Variants in SIPA1L3 observed in about 807,000 individuals in gnomAD.
SIPA1L3 encodes signal induced proliferation associated 1 like 3.
In SIPA1L3, 59 loss-of-function variants were observed where a neutral mutation model predicts 150.1. The ratio of observed to expected loss-of-function variants is 0.39; its 90% confidence interval spans 0.32 to 0.49. SIPA1L3 has a LOEUF of 0.49. SIPA1L3 is among the 20% of genes least tolerant of loss of function. The pLI, the probability that SIPA1L3 is intolerant of heterozygous loss-of-function variation, is 0.86. For missense variants in SIPA1L3, 2,211 were observed against 2,489.5 expected, an observed-to-expected ratio of 0.89 and a Z score of 2.38; for synonymous variants, 1,070 against 1,077.6, an observed-to-expected ratio of 0.99 and a Z score of 0.14.
intron 1 of SIPA1L3, among the ~76,000 whole-genome samples, chr19:38,023,720 A>C (rs1328014728): frequency 2.0e-5 from 3 of 152,192 alleles, no homozygotes; most frequent in African/African-American, 7.2e-5. Context: ...GTTCTTCCAG[A>C]CCAGCCACTT....
intron 10 of SIPA1L3, among the ~76,000 whole-genome samples, chr19:38,131,161 A>G (rs941816100): frequency 1.3e-5 from 2 of 152,248 alleles, no homozygotes; most frequent in African/African-American, 4.8e-5. Context: ...CAAAGTGACC[A>G]CAACAAAGTG....
chr19:38,168,280 G>A (rs768284167), intron 15 of SIPA1L3, among the ~76,000 whole-genome samples: 2 of 151,940 alleles, frequency 1.3e-5, no homozygotes, highest in East Asian at 1.9e-4. Context: ...CCAGCTACTC[G>A]GGAGGCTGAG....
Position 38,082,427 on chromosome 19 carries a change from G to A in SIPA1L3, c.862G>A (p.Ala288Thr), listed in dbSNP as rs759954792. The A allele has an allele frequency of 1.3e-6, 2 of 1,593,896 alleles. No individual in the cohort carries two copies. The highest frequency in any genetic ancestry group is 1.3e-5 in the African/African-American group (1 of 74,680). Residue 288 changes from alanine to threonine, a missense_variant, in exon 3 of 22, where the codon GCG becomes ACG. This residue lies in a region of SIPA1L3 where 587 missense variants were observed against 534.5 expected (regional missense o/e 1.10). Coordinates refer to ENST00000222345, the MANE Select transcript of SIPA1L3 (RefSeq NM_015073.3). The part of the protein sequence containing the change: ...KEKEKARKKP[A>T]RGLGGGDTVD... ...GAAGGAGAAGGCCCGGAAGAAACCT[G>A]CGCGGGGCCTCGGCGGCGGGGACAC... is the stretch of plus-strand genomic sequence containing the variant.
intron 2 of SIPA1L3, among the ~76,000 whole-genome samples, chr19:38,050,197 T>C (rs1337316171): frequency 6.6e-6 from 1 of 152,246 alleles, no homozygotes; most frequent in African/African-American, 2.4e-5. Context: ...GGCTCACGCC[T>C]GTAATCCCAA....
chr19:38,175,061 T>C (rs1797272665), intron 15 of SIPA1L3, among the ~76,000 whole-genome samples: 1 of 152,158 alleles, frequency 6.6e-6, no homozygotes, highest in African/African-American at 2.4e-5. Flanking sequence ...TACCTATGTC[T>C]ACATCCTGGC....
chr19:38,086,996 C>G (rs1283874604), intron 3 of SIPA1L3, among the ~76,000 whole-genome samples: 1 of 152,154 alleles, frequency 6.6e-6, no homozygotes, highest in Non-Finnish European at 1.5e-5. Flanking sequence ...AGAGCTTGAT[C>G]AGGTGTTGAA....
At chr19:37,907,842 G>C (rs756180111) in intron 1 of SIPA1L3, 2 of 152,258 alleles carry the variant, frequency 1.3e-5, no homozygotes, top group Non-Finnish European at 2.9e-5. Flanking sequence ...CATGTAAAGA[G>C]GTGAGTCCTT....
chr19:38,182,850 A>C, intron 16 of SIPA1L3, 110 bp downstream of exon 16: 1 of 782,216 alleles, frequency 1.3e-6, no homozygotes. Flanking sequence ...ACTGTGGGCC[A>C]GTGTACCAGT....
At chr19:37,918,836 A>G (rs2046434103) in intron 1 of SIPA1L3, among the ~76,000 whole-genome samples, 1 of 151,802 alleles carries the variant, frequency 6.6e-6, no homozygotes, top group Non-Finnish European at 1.5e-5. Context: ...ACACCACTGC[A>G]CTCCAGCCTG....
At chr19:37,942,222 A>G (rs1209004058) in intron 1 of SIPA1L3, among the ~76,000 whole-genome samples, 1 of 152,074 alleles carries the variant, frequency 6.6e-6, no homozygotes, top group Non-Finnish European at 1.5e-5. Context: ...GACACAGTCA[A>G]GGAAGAAGTA....
chr19:37,966,535 A>G (rs953007660), intron 1 of SIPA1L3, among the ~76,000 whole-genome samples: 2 of 151,654 alleles, frequency 1.3e-5, no homozygotes, highest in African/African-American at 4.9e-5. Context: ...TGCCGTGCCC[A>G]CCTCCCTCTG....
chr19:37,916,259 T>G (rs1457031786), intron 1 of SIPA1L3, among the ~76,000 whole-genome samples: 2 of 151,880 alleles, frequency 1.3e-5, no homozygotes, highest in African/African-American at 4.8e-5. Context: ...ACTCCTGACC[T>G]CAGGTGGTCT....
chr19:38,093,595 C>T (rs1383648020), intron 4 of SIPA1L3, among the ~76,000 whole-genome samples: 3 of 152,184 alleles, frequency 2.0e-5, no homozygotes, highest in Non-Finnish European at 4.4e-5. Context: ...ATAGGTTGAG[C>T]TCACGGATGG....
intron 1 of SIPA1L3, among the ~76,000 whole-genome samples, chr19:37,919,548 C>T (rs2046440284): frequency 6.6e-6 from 1 of 152,130 alleles, no homozygotes; most frequent in African/African-American, 2.4e-5. Flanking sequence ...GGCTCTTAAA[C>T]ACTCACTGTG....
intron 2 of SIPA1L3, among the ~76,000 whole-genome samples, chr19:38,066,554 G>A (rs1171896372): frequency 2.6e-5 from 4 of 152,198 alleles, no homozygotes; most frequent in Admixed American, 6.5e-5. Context: ...AGCCAGGCGC[G>A]GTGGCTCACG....
intron 9 of SIPA1L3, 77 bp from the exon 10 acceptor site, chr19:38,130,421 G>C: frequency 6.7e-7 from 1 of 1,487,524 alleles, no homozygotes. Flanking sequence ...GCTTCAAAGC[G>C]GGGAACGTGA....
At chr19:38,143,025 A>G (rs1241921076) in intron 12 of SIPA1L3, among the ~76,000 whole-genome samples, 2 of 152,150 alleles carry the variant, frequency 1.3e-5, no homozygotes, top group Non-Finnish European at 2.9e-5. Flanking sequence ...CTAAGCCCCT[A>G]GGACCAGGCT....
At chr19:38,000,956 TATA>T (rs1207905605) in intron 1 of SIPA1L3, among the ~76,000 whole-genome samples, 1 of 81,188 alleles carries the variant, frequency 1.2e-5, no homozygotes, top group African/African-American at 5.9e-5. Flanking sequence ...ATAACACACA[TATA>T]ACACATATAT....
In SIPA1L3 at chr19:38,172,384, C is replaced by T. The variant is rs376630386; in HGVS notation, c.4208+7478C>T. Among the ~76,000 whole-genome samples the T allele has an allele frequency of 7.7e-4, 117 of 152,234 alleles. 2 individuals carry two copies. In the East Asian group the frequency reaches 0.011, roughly 14 times the overall value. On this transcript the variant is annotated intron_variant, in intron 15 of 21. Transcript: ENST00000222345. ...GCAGCCCCTACTCTGTGCCAGGTGTCGCAGCATCCTTCCCTTATGGAGCTG... is the reference window on the plus strand; with the variant it reads ...GCAGCCCCTACTCTGTGCCAGGTGTTGCAGCATCCTTCCCTTATGGAGCTG...
Sources: allele counts gnomAD v4.1 joint callset (sites outside exome capture counted in the v4.1 genomes callset), GRCh38; gene constraint gnomAD v4.1.1; regional missense constraint gnomAD v4.1.1; transcripts MANE v1.5; gene names NCBI Gene and HGNC (gene_info 2026-07-23, HGNC 2026-07-21).